The following CYTH3 variants were observed in gnomAD, a reference collection of about 807,000 sequenced individuals.
CYTH3 encodes the protein cytohesin 3.
A neutral mutation model predicts 55.1 loss-of-function variants in CYTH3; 23 were observed. That is an observed-to-expected ratio of 0.42 (90% CI 0.30 to 0.59). The LOEUF (loss-of-function observed/expected upper bound fraction) is 0.59. CYTH3 is among the 20% of genes least tolerant of loss of function. The pLI is 0.20. For missense variants in CYTH3, 413 were observed against 524.8 expected (o/e 0.79, Z 2.08); for synonymous variants, 249 against 194.9 (o/e 1.28, Z -2.31).
In CYTH3 at chr7:6,187,067, T is replaced by G; in HGVS notation, c.232A>C (p.Asn78His). ...KQIAMGRKKF[N>H]MDPKKGIQFL... ...TCTCTTACCTTTTTGGGATCCATGT[T>G]GAATTTCTTTCTTCCCATGGCTATC... Residue 78 changes from asparagine to histidine, a missense_variant, in exon 4 of 13, where the codon AAC (asparagine) becomes CAC (histidine). Asn to His is a moderately conservative substitution (Grantham distance 68). This residue lies in a region of CYTH3 where 152 missense variants were observed against 148.1 expected (regional missense o/e 1.03). Transcript: ENST00000350796. 2 of 1,614,174 alleles carry G rather than the reference T, an allele frequency of 1.2e-6. No homozygotes were observed. The highest frequency in any genetic ancestry group is 1.7e-6 in the Non-Finnish European group (2 of 1,179,992).
rs1186674726 is a variant in CYTH3, at chr7:6,170,784, C to A, written c.711+46G>T. On this transcript the variant is annotated intron_variant, in intron 8 of 12. Transcript: ENST00000350796. The surrounding 1 kb of genome is among the most constrained non-coding windows in gnomAD (Gnocchi z 7.8). ...CCGCGGGCGCTGCGGCCGCTCACAG[C>A]GAAGAGATCCTGCAGACGGCAGCGG... is the stretch of plus-strand genomic sequence containing the variant. 1.3e-6 allele frequency: 2 copies of A among 1,589,098 alleles called. No homozygotes were observed. The highest frequency in any genetic ancestry group is 8.6e-7 in the Non-Finnish European group (1 of 1,167,406).
chr7:6,251,017 G>A (rs772525109), intron 1 of CYTH3, among the ~76,000 whole-genome samples: 1 of 152,188 alleles, frequency 6.6e-6, no homozygotes, highest in African/African-American at 2.4e-5. Flanking sequence ...AGTGGCTCAC[G>A]CCTGTAATCC....
chr7:6,242,219 G>GGCGCCCACCACT (rs1779692501), intron 1 of CYTH3, among the ~76,000 whole-genome samples: 1 of 151,812 alleles, frequency 6.6e-6, no homozygotes, highest in East Asian at 1.9e-4. Flanking sequence ...TGGGACTACA[G>GGCGCCCACCACT]GCGCCCACCA....
intron 1 of CYTH3, among the ~76,000 whole-genome samples, chr7:6,259,848 A>AC (rs2115060611): frequency 1.3e-5 from 1 of 77,124 alleles, no homozygotes; most frequent in Admixed American, 1.7e-4. Flanking sequence ...TTTTTTTTTT[A>AC]AGACGGATTT....
chr7:6,201,941 A>G (rs1310224527), intron 1 of CYTH3, among the ~76,000 whole-genome samples: 2 of 152,212 alleles, frequency 1.3e-5, no homozygotes, highest in Non-Finnish European at 2.9e-5. Flanking sequence ...AACAACTGTT[A>G]GAAATACAAA....
intron 1 of CYTH3, among the ~76,000 whole-genome samples, chr7:6,221,878 A>G (rs113545124): frequency 7.8e-4 from 119 of 152,294 alleles, no homozygotes; most frequent in African/African-American, 2.7e-3. Context: ...TTTGAAGCCT[A>G]GAATCCGAGG....
At chr7:6,223,676 C>T (rs1024770874) in intron 1 of CYTH3, among the ~76,000 whole-genome samples, 1 of 151,838 alleles carries the variant, frequency 6.6e-6, no homozygotes, top group Admixed American at 6.6e-5. Flanking sequence ...ATCTCAAGTA[C>T]CCAGGGACAC....
intron 1 of CYTH3, among the ~76,000 whole-genome samples, chr7:6,259,784 A>AATATATATAT (rs71523777): frequency 1.4e-4 from 3 of 20,948 alleles, no homozygotes; most frequent in Non-Finnish European, 2.0e-4. Flanking sequence ...ATATATATAT[A>AATATATATAT]ATATATATAT....
intron 1 of CYTH3, among the ~76,000 whole-genome samples, chr7:6,270,582 A>G (rs1252262693): frequency 6.6e-6 from 1 of 152,268 alleles, no homozygotes; most frequent in Non-Finnish European, 1.5e-5. Flanking sequence ...CATGATGTAT[A>G]AAACTGCTTA....
intron 1 of CYTH3, among the ~76,000 whole-genome samples, chr7:6,208,646 C>T (rs953987375): frequency 5.9e-5 from 9 of 152,354 alleles, no homozygotes; most frequent in Non-Finnish European, 1.3e-4. Flanking sequence ...TGGACTCAGG[C>T]AATCACCCTG....
chr7:6,201,401 C>T (rs1338852421), intron 1 of CYTH3, among the ~76,000 whole-genome samples: 1 of 152,338 alleles, frequency 6.6e-6, no homozygotes, highest in Non-Finnish European at 1.5e-5. Context: ...GTCATTTCTC[C>T]TCAATCTCCA....
At chr7:6,181,506 T>C (rs1783501863) in intron 4 of CYTH3, among the ~76,000 whole-genome samples, 1 of 152,050 alleles carries the variant, frequency 6.6e-6, no homozygotes, top group Admixed American at 6.5e-5. Flanking sequence ...TCATTTCTTC[T>C]TAGGTAATCT....
At chr7:6,211,225 G>C (rs1784312454) in intron 1 of CYTH3, among the ~76,000 whole-genome samples, 1 of 152,138 alleles carries the variant, frequency 6.6e-6, no homozygotes, top group African/African-American at 2.4e-5. Context: ...GCTCAAAGCA[G>C]GCCCTCCCTG....
intron 1 of CYTH3, among the ~76,000 whole-genome samples, chr7:6,237,887 G>A (rs1779566812): frequency 6.6e-6 from 1 of 152,140 alleles, no homozygotes; most frequent in Non-Finnish European, 1.5e-5. Context: ...AGGATAGCAG[G>A]AGTGGCAAAC....
intron 1 of CYTH3, among the ~76,000 whole-genome samples, chr7:6,237,140 C>A (rs1336882634): frequency 7.1e-6 from 1 of 141,566 alleles, no homozygotes; most frequent in Non-Finnish European, 1.6e-5. Context: ...CCTCGGCAGG[C>A]GTTGCTTCAG....
intron 1 of CYTH3, among the ~76,000 whole-genome samples, chr7:6,240,021 A>G (rs769338315): frequency 3.9e-5 from 6 of 152,208 alleles, no homozygotes; most frequent in African/African-American, 7.2e-5. Flanking sequence ...GAATGAAATT[A>G]GAGGCTGGGT....
chr7:6,219,850 T>C (rs1388765318), intron 1 of CYTH3, among the ~76,000 whole-genome samples: 3 of 152,066 alleles, frequency 2.0e-5, no homozygotes, highest in Non-Finnish European at 4.4e-5. Context: ...GGAATCAGAA[T>C]AGCTGGAACA....
At chr7:6,166,030 G>T (rs997346389) in intron 9 of CYTH3, among the ~76,000 whole-genome samples, 1 of 152,198 alleles carries the variant, frequency 6.6e-6, no homozygotes, top group African/African-American at 2.4e-5. Context: ...GCCCCTTGAT[G>T]ACACAACCGC....
intron 4 of CYTH3, among the ~76,000 whole-genome samples, chr7:6,179,477 A>G (rs1263639301): frequency 6.6e-6 from 1 of 152,012 alleles, no homozygotes; most frequent in Admixed American, 6.6e-5. Flanking sequence ...TTTGTGCACC[A>G]TGTTTTAATG....
Sources: allele counts gnomAD v4.1 joint callset (sites outside exome capture counted in the v4.1 genomes callset), GRCh38; gene constraint gnomAD v4.1.1; regional missense constraint gnomAD v4.1.1; non-coding constraint Gnocchi (gnomAD v3.1); transcripts MANE v1.5; gene names NCBI Gene and HGNC (gene_info 2026-07-23, HGNC 2026-07-21).